The following CDH4 variants were observed in gnomAD, a reference collection of about 807,000 sequenced individuals.
CDH4 encodes the protein cadherin 4.
Under a neutral mutation model 86.0 loss-of-function variants are expected in CDH4, and 33 were observed. The observed-to-expected ratio is 0.38, with a 90% CI of 0.29 to 0.51. The LOEUF is 0.51. CDH4 is among the 20% of genes least tolerant of loss of function. The pLI, the probability that CDH4 is intolerant of heterozygous loss-of-function variation, is 0.86. For synonymous variants in CDH4, 555 were observed against 549.4 expected (o/e 1.01, Z -0.14); for missense variants, 1,114 against 1,307.4 (o/e 0.85, Z 2.28).
intron 3 of CDH4, among the ~76,000 whole-genome samples, chr20:61,759,069 CATATTTGTGCATGCATGTGT>C (rs2088601251): frequency 6.6e-6 from 1 of 152,138 alleles, no homozygotes; most frequent in Admixed American, 6.5e-5. Flanking sequence ...CACGCATGTG[CATATTTGTGCATGCATGTGT>C]GCGCACACAC....
At chr20:61,322,751 A>G (rs1162619871) in intron 2 of CDH4, among the ~76,000 whole-genome samples, 1 of 152,134 alleles carries the variant, frequency 6.6e-6, no homozygotes, top group African/African-American at 2.4e-5. Flanking sequence ...GATGGCAGGG[A>G]GCGGAACACT....
chr20:61,689,912 G>A (rs1284819062), intron 2 of CDH4, among the ~76,000 whole-genome samples: 1 of 149,492 alleles, frequency 6.7e-6, no homozygotes, highest in East Asian at 1.9e-4. Context: ...GAATTGAGCT[G>A]GGACGGTGGT....
At position 61,510,620 on chromosome 20, in the gene CDH4, G is replaced by A. The variant is rs1361855; in HGVS notation, c.170-232943G>A. Among the ~76,000 whole-genome samples the A allele has an allele frequency of 0.57, 86,169 of 151,858 alleles. 25,279 individuals are homozygous for A. The highest frequency in any genetic ancestry group is 0.71 in the African/African-American group (29,208 of 41,400). On this transcript the variant is annotated intron_variant, in intron 2 of 15. Coordinates refer to ENST00000614565, the MANE Select transcript of CDH4 (RefSeq NM_001794.5). This position sits in a 1 kb window ranked among gnomAD's most constrained non-coding sequence, Gnocchi z 4.2. ...CTCCCATTACTGCTTGGTGGCTGAC[G>A]ACCCATAGTGGGATTACTTGGGGGA...
intron 2 of CDH4, among the ~76,000 whole-genome samples, chr20:61,405,931 C>T (rs918763751): frequency 3.3e-5 from 5 of 152,170 alleles, no homozygotes; most frequent in Admixed American, 6.5e-5. Context: ...CCATCCGCCT[C>T]GGCCTCTCAA....
chr20:61,851,827 T>G (rs2146111947), intron 5 of CDH4, among the ~76,000 whole-genome samples: 1 of 152,192 alleles, frequency 6.6e-6, no homozygotes, highest in South Asian at 2.1e-4. Context: ...CCACACCCAC[T>G]GATGGCTTCT....
At chr20:61,650,102 A>T (rs1203896617) in intron 2 of CDH4, among the ~76,000 whole-genome samples, 2 of 152,146 alleles carry the variant, frequency 1.3e-5, no homozygotes, top group African/African-American at 4.8e-5. Context: ...TGCCTCTTCC[A>T]GTGTATTCTC....
intron 2 of CDH4, among the ~76,000 whole-genome samples, chr20:61,459,849 A>T (rs1389931067): frequency 6.6e-6 from 1 of 151,664 alleles, no homozygotes; most frequent in Non-Finnish European, 1.5e-5. Context: ...AGCTCCTTGA[A>T]CCCACACACC....
intron 11 of CDH4, among the ~76,000 whole-genome samples, chr20:61,926,688 T>C (rs1466132006): frequency 6.6e-6 from 1 of 152,126 alleles, no homozygotes; most frequent in East Asian, 1.9e-4. Flanking sequence ...CTGGCCAACA[T>C]GGTGAAACCC....
At chr20:61,774,990 G>A (rs1175756391) in intron 4 of CDH4, among the ~76,000 whole-genome samples, 2 of 152,148 alleles carry the variant, frequency 1.3e-5, no homozygotes, top group Non-Finnish European at 2.9e-5. Context: ...GACCATACAC[G>A]TGCATGTGTC....
chr20:61,735,366 AC>A (rs1397763002), intron 2 of CDH4, among the ~76,000 whole-genome samples: 1 of 152,196 alleles, frequency 6.6e-6, no homozygotes, highest in Non-Finnish European at 1.5e-5. Flanking sequence ...ATGCTGGGCC[AC>A]CGTCACCCCA....
chr20:61,270,838 G>C (rs1029429886), intron 2 of CDH4, among the ~76,000 whole-genome samples: 1 of 152,104 alleles, frequency 6.6e-6, no homozygotes, highest in Non-Finnish European at 1.5e-5. Context: ...GGGAGGTCGA[G>C]GCAGCTCTGG....
chr20:61,785,313 T>TG (rs1978817825), intron 4 of CDH4, among the ~76,000 whole-genome samples: 2 of 152,280 alleles, frequency 1.3e-5, no homozygotes, highest in South Asian at 4.1e-4. Context: ...TTCCTCCTGC[T>TG]GGGCTGTGGG....
chr20:61,797,706 G>A (rs1022851266), intron 4 of CDH4, among the ~76,000 whole-genome samples: 20 of 152,218 alleles, frequency 1.3e-4, no homozygotes, highest in Admixed American at 2.6e-4. Context: ...AGGATTGCTT[G>A]AGCACAGGAA....
At chr20:61,920,480 C>T (rs1411828944) in intron 9 of CDH4, among the ~76,000 whole-genome samples, 5 of 144,734 alleles carry the variant, frequency 3.5e-5, no homozygotes, top group Admixed American at 6.9e-5. Context: ...CGCAGTGTCA[C>T]GGTGATTGTG....
chr20:61,797,307 G>A (rs1467764872), intron 4 of CDH4, among the ~76,000 whole-genome samples: 3 of 152,176 alleles, frequency 2.0e-5, no homozygotes, highest in Non-Finnish European at 4.4e-5. Flanking sequence ...CCAGGGTGGG[G>A]AAGGCTCACG....
intron 2 of CDH4, among the ~76,000 whole-genome samples, chr20:61,602,386 A>T (rs1230862687): frequency 6.6e-6 from 1 of 152,096 alleles, no homozygotes; most frequent in Non-Finnish European, 1.5e-5. Flanking sequence ...CTCAAAGGAA[A>T]CTCACATGTC....
chr20:61,332,193 G>A (rs1200016368), intron 2 of CDH4, among the ~76,000 whole-genome samples: 1 of 152,226 alleles, frequency 6.6e-6, no homozygotes, highest in African/African-American at 2.4e-5. Flanking sequence ...CCAGGAGACA[G>A]GCTTTGGACG....
In CDH4 at chr20:61,829,197, G is replaced by A. The variant is rs915805995; in HGVS notation, c.577-15471G>A. Among the ~76,000 whole-genome samples, 9 of 152,204 alleles carry A rather than the reference G, an allele frequency of 5.9e-5. No homozygotes were observed. The East Asian group carries it at 1.5e-3, about 26-fold the overall frequency. ...GGCCTCGCCCCCAGCAGCCAATAACGTACTTCCTGTCTCTATGGATTTGCC... is the reference window on the plus strand; with the variant it reads ...GGCCTCGCCCCCAGCAGCCAATAACATACTTCCTGTCTCTATGGATTTGCC... On this transcript the variant is annotated intron_variant, in intron 4 of 15. Coordinates refer to ENST00000614565, the MANE Select transcript of CDH4 (RefSeq NM_001794.5). This position sits in a 1 kb window ranked among gnomAD's most constrained non-coding sequence, Gnocchi z 4.2.
At chr20:61,531,759 T>G (rs2085956391) in intron 2 of CDH4, among the ~76,000 whole-genome samples, 1 of 152,198 alleles carries the variant, frequency 6.6e-6, no homozygotes, top group Non-Finnish European at 1.5e-5. Context: ...GAGGCCGGGA[T>G]GAGTCATCAG....
Sources: gnomAD v4.1 joint callset for allele counts (sites outside exome capture counted in the v4.1 genomes callset) on GRCh38, gnomAD v4.1.1 for gene constraint, Gnocchi (gnomAD v3.1) non-coding constraint, MANE v1.5 for transcripts, NCBI Gene and HGNC (gene_info 2026-07-23, HGNC 2026-07-21) for gene names.